The following MINDY4B variants were observed in gnomAD, a reference collection of about 807,000 sequenced individuals.
MINDY4B encodes the protein inactive ubiquitin carboxyl-terminal hydrolase MINDY-4B.
In MINDY4B, 25 loss-of-function variants were observed where a neutral mutation model predicts 16.7. The ratio of observed to expected loss-of-function variants is 1.49; its 90% CI spans 1.09 to 2.09. The LOEUF is 2.09. Among genes scored for constraint, MINDY4B ranks in the 30% most tolerant of loss-of-function variants. The pLI is 0.00. For synonymous variants in MINDY4B, 132 were observed against 61.9 expected, an observed-to-expected ratio of 2.13 and a Z score of -5.32; for missense variants, 327 against 168.4, an observed-to-expected ratio of 1.94 and a Z score of -5.21.
intron 7 of MINDY4B, among the ~76,000 whole-genome samples, chr3:150,889,766 C>T (rs1407943069): frequency 2.1e-4 from 32 of 152,158 alleles, no homozygotes; most frequent in Admixed American, 2.0e-3. Context: ...TTTCTTTCTA[C>T]ACAGAAGAGT....
intron 9 of MINDY4B, among the ~76,000 whole-genome samples, chr3:150,883,266 C>T (rs1711551668): frequency 1.3e-5 from 2 of 152,102 alleles, no homozygotes; most frequent in South Asian, 4.1e-4. Flanking sequence ...CCCATAACTC[C>T]CTCTGTACCC....
At chr3:150,893,961 G>A (rs1711892524) in intron 4 of MINDY4B, among the ~76,000 whole-genome samples, 1 of 152,128 alleles carries the variant, frequency 6.6e-6, no homozygotes, top group Admixed American at 6.5e-5. Context: ...AAACAGCTGG[G>A]ATTACAGGTG....
chr3:150,895,061 TAGCATTTACTG>T (rs1711925871), intron 3 of MINDY4B, among the ~76,000 whole-genome samples: 1 of 152,222 alleles, frequency 6.6e-6, no homozygotes. Flanking sequence ...CAATGGCATC[TAGCATTTACTG>T]AGCATTTTCT....
intron 7 of MINDY4B, among the ~76,000 whole-genome samples, chr3:150,889,665 A>G (rs1711715187): frequency 6.6e-6 from 1 of 152,234 alleles, no homozygotes; most frequent in South Asian, 2.1e-4. Flanking sequence ...TGCTCCATGC[A>G]ATGAACAGTT....
intron 7 of MINDY4B, among the ~76,000 whole-genome samples, chr3:150,887,734 T>A (rs759274519): frequency 4.6e-5 from 7 of 152,198 alleles, no homozygotes; most frequent in Non-Finnish European, 8.8e-5. Context: ...CATAAAAGAT[T>A]ACAGAAAATC....
intron 11 of MINDY4B, among the ~76,000 whole-genome samples, chr3:150,872,525 T>C (rs1716993770): frequency 6.6e-6 from 1 of 152,220 alleles, no homozygotes; most frequent in African/African-American, 2.4e-5. Flanking sequence ...TCTTTTTCCC[T>C]CAGGAGTTTA....
chr3:150,887,153 C>T (rs1233502860), intron 7 of MINDY4B, among the ~76,000 whole-genome samples: 1 of 152,280 alleles, frequency 6.6e-6, no homozygotes, highest in East Asian at 1.9e-4. Flanking sequence ...TTACGAAACA[C>T]AGGCATTGCA....
intron 7 of MINDY4B, among the ~76,000 whole-genome samples, chr3:150,885,857 CT>C (rs1711608968): frequency 6.6e-6 from 1 of 152,130 alleles, no homozygotes; most frequent in African/African-American, 2.4e-5. Flanking sequence ...GTAGAACTCG[CT>C]TTGGAGTTAT....
chr3:150,901,510 T>C (rs1319496806), intron 3 of MINDY4B: 3 of 135,700 alleles, frequency 2.2e-5, no homozygotes, highest in African/African-American at 9.4e-5. Context: ...TTTCTTTCTT[T>C]TCTTTTCTTT....
chr3:150,900,121 C>T (rs1243191807), intron 3 of MINDY4B, among the ~76,000 whole-genome samples: 2 of 152,182 alleles, frequency 1.3e-5, no homozygotes, highest in Admixed American at 6.5e-5. Flanking sequence ...CTCACCTTTC[C>T]CACGATTTCA....
intron 7 of MINDY4B, among the ~76,000 whole-genome samples, chr3:150,888,032 G>A (rs1041402531): frequency 2.6e-5 from 4 of 152,240 alleles, no homozygotes; most frequent in South Asian, 2.1e-4. Context: ...GCATGAACCC[G>A]GGAGGCGGAG....
intron 11 of MINDY4B, 61 bp downstream of exon 11, chr3:150,873,126 T>C: frequency 1.6e-6 from 1 of 644,850 alleles, no homozygotes; most frequent in Non-Finnish European, 2.8e-6. Context: ...TGTTAAACAT[T>C]GGCAACCGCA....
At position 150,870,499 on chromosome 3, in the gene MINDY4B, C is replaced by T. The variant is rs749298230; in HGVS notation, c.*546G>A. 9.9e-5 allele frequency among the ~76,000 whole-genome samples: 15 copies of T among 152,156 alleles called. No homozygotes were observed. Among genetic ancestry groups the T allele is most frequent in the Non-Finnish European group, 1.9e-4 (13 of 68,026 alleles). ...TAGCTGTCAGCCTACCAGGAATAAC[C>T]CCTGCTTCAAACCCCAAGAAGCCCA... On this transcript the variant is annotated 3_prime_UTR_variant, in exon 12 of 12. Coordinates refer to ENST00000465419, the MANE Select transcript of MINDY4B (RefSeq NM_001351281.2).
intron 3 of MINDY4B, among the ~76,000 whole-genome samples, chr3:150,899,399 C>A (rs995980782): frequency 6.6e-5 from 10 of 152,120 alleles, no homozygotes; most frequent in Admixed American, 5.2e-4. Flanking sequence ...TGTGGGGACA[C>A]CACAATGGCT....
chr3:150,883,178 A>T, intron 9 of MINDY4B, 120 bp from the exon 10 acceptor site: 1 of 572,324 alleles, frequency 1.7e-6, no homozygotes. Context: ...CACATGATAC[A>T]TATTTCAGGA....
intron 11 of MINDY4B, among the ~76,000 whole-genome samples, chr3:150,871,786 A>T (rs140145121): frequency 6.6e-6 from 1 of 152,332 alleles, no homozygotes; most frequent in East Asian, 1.9e-4. Flanking sequence ...TGGAATTTGC[A>T]GTAAGCCAGG....
At chr3:150,872,312 A>C (rs1180629262) in intron 11 of MINDY4B, among the ~76,000 whole-genome samples, 1 of 152,232 alleles carries the variant, frequency 6.6e-6, no homozygotes, top group African/African-American at 2.4e-5. Context: ...AAAGAAAAAG[A>C]ATTAGGAGCT....
intron 4 of MINDY4B, 33 bp from the exon 5 acceptor site, chr3:150,893,448 A>T (rs1416200759): frequency 2.8e-6 from 2 of 702,592 alleles, no homozygotes; most frequent in Non-Finnish European, 2.6e-6. Flanking sequence ...CGAGGTGAAG[A>T]ACTCTTGGAA....
chr3:150,904,239 TTC>T (rs1232806845), intron 2 of MINDY4B, among the ~76,000 whole-genome samples: 11 of 152,250 alleles, frequency 7.2e-5, no homozygotes, highest in Non-Finnish European at 1.5e-4. Context: ...TGACTTTTTT[TTC>T]TTTTAAAGAT....
Sources: allele counts gnomAD v4.1 joint callset (sites outside exome capture counted in the v4.1 genomes callset), GRCh38; gene constraint gnomAD v4.1.1; transcripts MANE v1.5; gene names NCBI Gene and HGNC (gene_info 2026-07-23, HGNC 2026-07-21).